CHLSN: variants seen among roughly 807,000 people sequenced by gnomAD.
The protein encoded by CHLSN is protein cholesin.
chr7:1,034,683 G>C, the CHLSN span, among the ~76,000 whole-genome samples: 1 of 152,118 alleles, frequency 6.6e-6, no homozygotes, highest in East Asian at 1.9e-4. Context: ...GTGTCATGGG[G>C]GTTTGTTGTA....
At chr7:1,055,089 G>A in the CHLSN span, among the ~76,000 whole-genome samples, 6 of 152,170 alleles carry the variant, frequency 3.9e-5, no homozygotes, top group Non-Finnish European at 5.9e-5. Context: ...AGGGGCCTGC[G>A]GGCAGAGGCC....
the CHLSN span, among the ~76,000 whole-genome samples, chr7:991,791 G>T: frequency 6.6e-6 from 1 of 152,204 alleles, no homozygotes; most frequent in Non-Finnish European, 1.5e-5. Flanking sequence ...GGCCACCACT[G>T]TCACCTCCAG....
the CHLSN span, chr7:1,093,809 G>A: frequency 2.7e-5 from 11 of 402,040 alleles, no homozygotes; most frequent in Non-Finnish European, 5.8e-5. Flanking sequence ...GTCATGTGCG[G>A]ATCCTTCCGG....
chr7:1,002,501 G>T, the CHLSN span, among the ~76,000 whole-genome samples: 1 of 107,344 alleles, frequency 9.3e-6, no homozygotes, highest in African/African-American at 3.9e-5. Flanking sequence ...CTGTGGGTGA[G>T]TGGAGTCCTG....
At chr7:1,053,415 G>T in the CHLSN span, among the ~76,000 whole-genome samples, 5 of 152,184 alleles carry the variant, frequency 3.3e-5, no homozygotes, top group Admixed American at 3.3e-4. Flanking sequence ...GGCTGTGAGG[G>T]TCGGGCACGC....
chr7:1,071,144 C>T, the CHLSN span, among the ~76,000 whole-genome samples: 2 of 152,242 alleles, frequency 1.3e-5, no homozygotes, highest in Admixed American at 6.5e-5. Context: ...ATAGAGGCCC[C>T]GCACGCGGCT....
At chr7:1,023,109 A>C in the CHLSN span, 93 of 400,240 alleles carry the variant, frequency 2.3e-4, no homozygotes, top group South Asian at 5.1e-4. This position sits in a 1 kb window ranked among gnomAD's most constrained non-coding sequence, Gnocchi z 5.0. Flanking sequence ...AATGGGTGGC[A>C]CCTGCCTGTG....
the CHLSN span, among the ~76,000 whole-genome samples, chr7:1,085,993 A>G: frequency 6.6e-6 from 1 of 152,238 alleles, no homozygotes; most frequent in African/African-American, 2.4e-5. Context: ...GCTGTACAGT[A>G]CAAGTTACTT....
chr7:1,028,418 A>G, the CHLSN span: 1 of 985,810 alleles, frequency 1.0e-6, no homozygotes, highest in Non-Finnish European at 1.2e-6. Flanking sequence ...AGCCGGCTGG[A>G]CCGTGACGCC....
At chr7:1,061,863 G>T in the CHLSN span, among the ~76,000 whole-genome samples, 1 of 146,120 alleles carries the variant, frequency 6.8e-6, no homozygotes, top group Non-Finnish European at 1.5e-5. Flanking sequence ...CTTCCAAGCA[G>T]CCATCTCCCC....
At chr7:1,099,476 T>C in the CHLSN span, among the ~76,000 whole-genome samples, 1 of 152,276 alleles carries the variant, frequency 6.6e-6, no homozygotes, top group Non-Finnish European at 1.5e-5. Context: ...CAGCATTTAT[T>C]GTAAAGCTTC....
chr7:1,039,255 G>T, the CHLSN span, among the ~76,000 whole-genome samples: 1 of 28,708 alleles, frequency 3.5e-5, no homozygotes, highest in South Asian at 1.1e-3. Flanking sequence ...CAGCCCCCCC[G>T]CCCGGCCAGC....
chr7:1,094,350 T>C, the CHLSN span, among the ~76,000 whole-genome samples: 186 of 152,360 alleles, frequency 1.2e-3, no homozygotes, highest in African/African-American at 4.2e-3. Flanking sequence ...CGTCGGGATG[T>C]GTGGGTGAAG....
At chr7:1,005,575 G>A in the CHLSN span, among the ~76,000 whole-genome samples, 1 of 152,268 alleles carries the variant, frequency 6.6e-6, no homozygotes, top group Non-Finnish European at 1.5e-5. Context: ...CAGTGGGCCT[G>A]GGTAGGGAAG....
chr7:1,006,324 G>A, the CHLSN span, among the ~76,000 whole-genome samples: 389 of 152,170 alleles, frequency 2.6e-3, 1 homozygote, highest in African/African-American at 8.7e-3. Context: ...CCACAGTGCA[G>A]GGAAAGAGCA....
chr7:997,542 G>T, the CHLSN span: 1 of 1,247,632 alleles, frequency 8.0e-7, no homozygotes, highest in Non-Finnish European at 1.1e-6. Flanking sequence ...GGTGAACCCG[G>T]CCCCCACCGC....
At chr7:1,045,162 C>G in the CHLSN span, among the ~76,000 whole-genome samples, 3 of 152,374 alleles carry the variant, frequency 2.0e-5, no homozygotes, top group East Asian at 5.8e-4. Flanking sequence ...AGCCGCCAAA[C>G]CACCACTACC....
chr7:1,056,562 G>A, the CHLSN span: 2 of 152,524 alleles, frequency 1.3e-5, no homozygotes, highest in African/African-American at 2.4e-5. Context: ...TGGGGACCTC[G>A]GGCCCTGGCC....
At chr7:1,115,630 G>A in the CHLSN span, among the ~76,000 whole-genome samples, 3 of 118,998 alleles carry the variant, frequency 2.5e-5, no homozygotes, top group Non-Finnish European at 5.2e-5. Flanking sequence ...CATCACCAAC[G>A]CCCACGCAGG....
Sources: gnomAD v4.1 joint callset for allele counts (sites outside exome capture counted in the v4.1 genomes callset) on GRCh38, gnomAD v4.1.1 for gene constraint, Gnocchi (gnomAD v3.1) non-coding constraint, MANE v1.5 for transcripts, NCBI Gene and HGNC (gene_info 2026-07-23, HGNC 2026-07-21) for gene names.